NAT1: variants seen among roughly 807,000 people sequenced by gnomAD.
NAT1 encodes N-acetyltransferase 1, also known as arylamine N-acetyltransferase 1.
For synonymous variants in NAT1, 144 were observed against 122.6 expected, an observed-to-expected ratio of 1.17 and a Z score of -1.16; for missense variants, 400 against 339.2, an observed-to-expected ratio of 1.18 and a Z score of -1.41.
intron 2 of NAT1, among the ~76,000 whole-genome samples, chr8:18,187,323 T>A (rs1380866558): frequency 1.3e-5 from 2 of 152,160 alleles, no homozygotes; most frequent in African/African-American, 4.8e-5. Flanking sequence ...AGCATTTCCA[T>A]TGACCCAGCA....
chr8:18,207,972 G>A (rs956736360), upstream of NAT1, among the ~76,000 whole-genome samples: 5 of 152,124 alleles, frequency 3.3e-5, no homozygotes, highest in East Asian at 3.9e-4. Context: ...GCAGGGACAC[G>A]GATGAAGCTG....
At chr8:18,176,018 G>A (rs1167547760) in intron 2 of NAT1, among the ~76,000 whole-genome samples, 1 of 152,046 alleles carries the variant, frequency 6.6e-6, no homozygotes, top group Non-Finnish European at 1.5e-5. Flanking sequence ...TTTGAGAAAT[G>A]CCTGTTCAGA....
In NAT1 at chr8:18,223,689, A is replaced by T. The variant is rs8190865; in HGVS notation, c.*769A>T. On this transcript the variant is annotated 3_prime_UTR_variant, in exon 3 of 3. Transcript: ENST00000307719. ...ATTGTTCCATCTTGCTTGCCCCCCC[A>T]CCCCTGTCATCTGCCTGCTTCTTTC... 1 of 137,216 alleles carries T rather than the reference A, an allele frequency of 7.3e-6. No homozygotes were observed. The highest frequency in any genetic ancestry group is 7.4e-5 in the Admixed American group (1 of 13,516). 8.5% of individuals were successfully genotyped at this position (137,216 alleles called of 1,614,324 possible).
intron 2 of NAT1, among the ~76,000 whole-genome samples, chr8:18,194,599 C>T (rs1335727268): frequency 1.3e-5 from 2 of 151,890 alleles, no homozygotes; most frequent in Non-Finnish European, 2.9e-5. Flanking sequence ...GGCAGGTGAT[C>T]ACTTGAGGTC....
intron 2 of NAT1, among the ~76,000 whole-genome samples, chr8:18,184,102 G>T (rs141219675): frequency 6.6e-6 from 1 of 152,298 alleles, no homozygotes; most frequent in African/African-American, 2.4e-5. Context: ...AAGACTCTCT[G>T]TGGTGGCCCC....
chr8:18,185,923 G>C (rs1802714795), intron 2 of NAT1, among the ~76,000 whole-genome samples: 2 of 151,918 alleles, frequency 1.3e-5, no homozygotes, highest in Admixed American at 1.3e-4. Context: ...AGTTATAAGT[G>C]TCCTCCTAAA....
chr8:18,179,072 C>G lies in NAT1; in HGVS notation n.92+8333C>G, dbSNP rs896008127. 3.3e-5 allele frequency among the ~76,000 whole-genome samples: 5 copies of G among 152,262 alleles called. No individual in the cohort carries two copies. In the South Asian group the frequency reaches 6.2e-4, roughly 19 times the overall value. ...TATATTCCACTGTATGCCCGGCCTT[C>G]TCTCTTGTCCTCTTCCTCACTCTGT... is the stretch of plus-strand genomic sequence containing the variant. On this transcript the variant is annotated intron_variant and non_coding_transcript_variant, in intron 2 of 4. Coordinates refer to the NAT1 transcript ENST00000517441.
intron 2 of NAT1, among the ~76,000 whole-genome samples, chr8:18,187,288 T>C (rs898987795): frequency 2.6e-5 from 4 of 152,164 alleles, no homozygotes; most frequent in African/African-American, 9.7e-5. Context: ...GAAAACAGTG[T>C]GGTGCTTCCT....
At position 18,210,997 on chromosome 8, in the gene NAT1, G is replaced by A. The variant is rs1276643218; in HGVS notation, c.-86+817G>A. On this transcript the variant is annotated intron_variant, in intron 1 of 2. Transcript: ENST00000307719. Reference sequence around the variant, plus strand: ...TTTTTGTATTTTTAGTAGCGATGGGGTTTCACCGTCTTGGCTAGGCTCATC... The same window carrying A: ...TTTTTGTATTTTTAGTAGCGATGGGATTTCACCGTCTTGGCTAGGCTCATC... Among the ~76,000 whole-genome samples, 4 of 152,190 alleles carry A rather than the reference G, an allele frequency of 2.6e-5. No individual in the cohort carries two copies. The South Asian group carries it at 8.3e-4, about 32-fold the overall frequency.
intron 2 of NAT1, among the ~76,000 whole-genome samples, chr8:18,173,491 A>G (rs1294812709): frequency 6.6e-6 from 1 of 152,182 alleles, no homozygotes; most frequent in Non-Finnish European, 1.5e-5. Flanking sequence ...GTGCACCTAC[A>G]TTCAGCCCCA....
chr8:18,184,034 G>A (rs781320892), intron 2 of NAT1, among the ~76,000 whole-genome samples: 15 of 152,050 alleles, frequency 9.9e-5, no homozygotes, highest in Admixed American at 5.2e-4. Flanking sequence ...TCAGGGTCCC[G>A]GGGCGGGGTG....
chr8:18,208,208 C>T (rs918968256), upstream of NAT1, among the ~76,000 whole-genome samples: 1 of 151,886 alleles, frequency 6.6e-6, no homozygotes, highest in East Asian at 1.9e-4. Flanking sequence ...TTGATAGGTG[C>T]AGCAAACCAC....
upstream of NAT1, among the ~76,000 whole-genome samples, chr8:18,205,460 T>C (rs1803670747): frequency 6.6e-6 from 1 of 152,150 alleles, no homozygotes; most frequent in Non-Finnish European, 1.5e-5. Context: ...GTGCCTAGTT[T>C]CACTCCCTCA....
chr8:18,171,130 T>C (rs1471280514), intron 2 of NAT1, among the ~76,000 whole-genome samples: 1 of 152,140 alleles, frequency 6.6e-6, no homozygotes, highest in Admixed American at 6.5e-5. Context: ...CAGGACCCAG[T>C]CCTACAGGGA....
At chr8:18,222,002 A>T (rs572290791) in intron 2 of NAT1, 40 bp from the exon 3 acceptor site, 1 of 1,559,694 alleles carries the variant, frequency 6.4e-7, no homozygotes, top group South Asian at 1.2e-5. Flanking sequence ...CCAAGTGTAA[A>T]AGTAAAATGA....
chr8:18,209,114 A>G (rs138317425), upstream of NAT1, among the ~76,000 whole-genome samples: 3 of 152,328 alleles, frequency 2.0e-5, no homozygotes, highest in East Asian at 5.8e-4. Context: ...ATTCCACCTG[A>G]CCAGGTACAG....
At chr8:18,187,097 G>A (rs577693173) in intron 2 of NAT1, among the ~76,000 whole-genome samples, 2 of 152,068 alleles carry the variant, frequency 1.3e-5, no homozygotes, top group Non-Finnish European at 2.9e-5. Context: ...TGTTGTCTCG[G>A]AACTGGTGTA....
At chr8:18,176,459 CTG>C (rs1252711518) in intron 2 of NAT1, among the ~76,000 whole-genome samples, 1 of 152,070 alleles carries the variant, frequency 6.6e-6, no homozygotes, top group African/African-American at 2.4e-5. Context: ...ATTAAAATGA[CTG>C]TTTTTTCCCA....
upstream of NAT1, among the ~76,000 whole-genome samples, chr8:18,209,482 G>T (rs747448672): frequency 6.6e-6 from 1 of 152,216 alleles, no homozygotes; most frequent in Non-Finnish European, 1.5e-5. Context: ...CAAAAATTAT[G>T]TTGTATAGAG....
Sources: allele counts gnomAD v4.1 joint callset (sites outside exome capture counted in the v4.1 genomes callset), GRCh38; gene constraint gnomAD v4.1.1; transcripts MANE v1.5; gene names NCBI Gene and HGNC (gene_info 2026-07-23, HGNC 2026-07-21).